ARHGAP24: variants seen among roughly 807,000 people sequenced by gnomAD.
ARHGAP24 encodes rho GTPase-activating protein 24.
In ARHGAP24, 50 loss-of-function variants were observed where a neutral mutation model predicts 76.4. That is an observed-to-expected ratio of 0.65 (90% confidence interval 0.52 to 0.83). The LOEUF is 0.83. Among genes scored for constraint, ARHGAP24 ranks in the 40% least tolerant of loss-of-function variants. The probability of loss-of-function intolerance (pLI) is 0.00; values close to 1 mark genes in which losing one functional copy is unlikely to be tolerated. For missense variants in ARHGAP24, 930 were observed against 914.2 expected (o/e 1.02, Z -0.22); for synonymous variants, 345 against 323.3 (o/e 1.07, Z -0.72).
chr4:85,491,361 A>T (rs1181829492), intron 1 of ARHGAP24, among the ~76,000 whole-genome samples: 2 of 152,204 alleles, frequency 1.3e-5, no homozygotes, highest in Non-Finnish European at 2.9e-5. Context: ...TTTGTGTTTA[A>T]CTTTAAATAT....
intron 1 of ARHGAP24, among the ~76,000 whole-genome samples, chr4:85,534,486 T>A (rs1456768481): frequency 6.6e-6 from 1 of 152,184 alleles, no homozygotes; most frequent in Non-Finnish European, 1.5e-5. Flanking sequence ...CAATGGAGCC[T>A]GTGAGTGACA....
intron 5 of ARHGAP24, among the ~76,000 whole-genome samples, chr4:85,966,771 T>C (rs1051961096): frequency 5.3e-5 from 8 of 152,162 alleles, no homozygotes; most frequent in African/African-American, 1.9e-4. Flanking sequence ...GACATTATTA[T>C]TATTTTTTTA....
At chr4:85,738,388 A>ATTG (rs1435895785) in intron 3 of ARHGAP24, among the ~76,000 whole-genome samples, 1 of 146,306 alleles carries the variant, frequency 6.8e-6, no homozygotes, top group Non-Finnish European at 1.5e-5. Context: ...TATTATTATT[A>ATTG]TTATTATTAT....
At chr4:85,532,100 T>C (rs201552711) in intron 1 of ARHGAP24, among the ~76,000 whole-genome samples, 1 of 86,454 alleles carries the variant, frequency 1.2e-5, no homozygotes, top group Non-Finnish European at 2.7e-5. Flanking sequence ...GTGCAGTGAC[T>C]ATGAAGATAA....
intron 1 of ARHGAP24, 79 bp from the exon 2 acceptor site, chr4:85,570,443 C>G: frequency 8.3e-5 from 45 of 545,096 alleles, no homozygotes; most frequent in East Asian, 3.0e-4. Flanking sequence ...TTTTTTTTTT[C>G]TGGAGAAGAG....
chr4:85,858,191 A>C (rs1731693153), intron 3 of ARHGAP24, among the ~76,000 whole-genome samples: 1 of 152,152 alleles, frequency 6.6e-6, no homozygotes, highest in Non-Finnish European at 1.5e-5. Flanking sequence ...CATTTGAAGC[A>C]CTCCACTAAG....
intron 2 of ARHGAP24, among the ~76,000 whole-genome samples, chr4:85,679,723 G>T (rs1471953142): frequency 1.3e-5 from 2 of 152,248 alleles, no homozygotes; most frequent in South Asian, 2.1e-4. Flanking sequence ...AGTGGGAAAT[G>T]CTGCCACTCG....
At chr4:85,899,410 A>G (rs1734371884) in intron 3 of ARHGAP24, among the ~76,000 whole-genome samples, 1 of 152,202 alleles carries the variant, frequency 6.6e-6, no homozygotes, top group Non-Finnish European at 1.5e-5. Flanking sequence ...GTGTTGCTTT[A>G]CCCACACATT....
chr4:85,883,696 TGAG>T (rs1733389384), intron 3 of ARHGAP24, among the ~76,000 whole-genome samples: 4 of 152,116 alleles, frequency 2.6e-5, no homozygotes, highest in Admixed American at 1.3e-4. Context: ...CCAAGGATGG[TGAG>T]AGTTTCTGGA....
intron 2 of ARHGAP24, among the ~76,000 whole-genome samples, chr4:85,597,679 T>C (rs1719890464): frequency 6.6e-6 from 1 of 151,932 alleles, no homozygotes; most frequent in Non-Finnish European, 1.5e-5. Context: ...ATTAAATAAA[T>C]GTTTGCTTAA....
chr4:85,820,153 T>C (rs530252113), intron 3 of ARHGAP24, among the ~76,000 whole-genome samples: 1 of 152,312 alleles, frequency 6.6e-6, no homozygotes, highest in South Asian at 2.1e-4. Flanking sequence ...CAAAGGAATA[T>C]AAATTGTTCT....
chr4:85,708,036 A>G (rs1454766180), intron 2 of ARHGAP24, among the ~76,000 whole-genome samples: 1 of 152,114 alleles, frequency 6.6e-6, no homozygotes, highest in Non-Finnish European at 1.5e-5. Context: ...AGGTCAGAGG[A>G]TTGCTGGTCT....
intron 4 of ARHGAP24, among the ~76,000 whole-genome samples, chr4:85,928,634 G>A (rs551869378): frequency 2.6e-5 from 4 of 151,788 alleles, no homozygotes; most frequent in African/African-American, 9.7e-5. Context: ...AATTTTTTTT[G>A]TATTTTTAGT....
chr4:85,607,827 C>G (rs1048220610), intron 2 of ARHGAP24, among the ~76,000 whole-genome samples: 2 of 150,104 alleles, frequency 1.3e-5, no homozygotes, highest in Admixed American at 1.3e-4. Flanking sequence ...AGGGTTTAGC[C>G]CCTTGGTCTT....
At chr4:85,908,500 G>A (rs544258698) in intron 3 of ARHGAP24, among the ~76,000 whole-genome samples, 2 of 152,288 alleles carry the variant, frequency 1.3e-5, no homozygotes, top group African/African-American at 4.8e-5. Context: ...AGGCTTCTAG[G>A]AATGAGGAGA....
At chr4:85,584,564 A>G (rs1727765606) in intron 2 of ARHGAP24, among the ~76,000 whole-genome samples, 1 of 152,138 alleles carries the variant, frequency 6.6e-6, no homozygotes, top group Non-Finnish European at 1.5e-5. Context: ...CACATTGTGC[A>G]CATGTACCCT....
chr4:85,980,680 A>T (rs932188006), intron 8 of ARHGAP24, among the ~76,000 whole-genome samples: 3 of 152,190 alleles, frequency 2.0e-5, no homozygotes, highest in African/African-American at 7.2e-5. Flanking sequence ...CTTAATGTTC[A>T]CTACTGGTCC....
intron 1 of ARHGAP24, among the ~76,000 whole-genome samples, chr4:85,500,241 A>T (rs1180507832): frequency 6.6e-6 from 1 of 152,172 alleles, no homozygotes; most frequent in Admixed American, 6.6e-5. Flanking sequence ...GGCTTCTATT[A>T]TATTCCTATG....
intron 2 of ARHGAP24, among the ~76,000 whole-genome samples, chr4:85,610,399 C>T (rs527565967): frequency 7.6e-6 from 1 of 131,062 alleles, no homozygotes; most frequent in Admixed American, 8.7e-5. Context: ...AGCCGAGATC[C>T]TGCCACTGCA....
Sources: allele counts gnomAD v4.1 joint callset (sites outside exome capture counted in the v4.1 genomes callset), GRCh38; gene constraint gnomAD v4.1.1; transcripts MANE v1.5; gene names NCBI Gene and HGNC (gene_info 2026-07-23, HGNC 2026-07-21).